Variants in FBN1 observed in about 807,000 individuals in gnomAD.
The protein encoded by FBN1 is fibrillin-1.
A neutral mutation model predicts 365.1 loss-of-function variants in FBN1; 29 were observed. The observed-to-expected ratio is 0.08, with a 90% confidence interval of 0.06 to 0.11. FBN1 has a LOEUF of 0.11. FBN1 is among the 10% of genes least tolerant of loss of function. FBN1 has a pLI of 1.00. For synonymous variants in FBN1, 1,210 were observed against 1,270.5 expected (o/e 0.95, Z 1.01); for missense variants, 2,476 against 3,703.2 (o/e 0.67, Z 8.60).
rs1178940750 is a variant in FBN1, at chr15:48,513,595, C to T, written c.1542G>A (p.Gln514=). 6.2e-7 allele frequency: 1 copy of T among 1,613,896 alleles called. No homozygotes were observed. Among genetic ancestry groups the T allele is most frequent in the Non-Finnish European group, 8.5e-7 (1 of 1,179,948 alleles). The change falls in exon 13 of 66, where the codon CAG becomes CAA. Residue 514 remains glutamine, a synonymous_variant. Transcript: ENST00000316623. ...GTGTGCTCTGATATCCAGCTCGGCA[C>T]TGACAGGTGTACGAACCCTGGTTGT... is the stretch of plus-strand genomic sequence containing the variant. The part of the protein sequence containing the change: ...CINNQGSYTC[Q]CRAGYQSTLT...
intron 63 of FBN1, among the ~76,000 whole-genome samples, chr15:48,417,634 A>G (rs1306697532): frequency 3.3e-5 from 5 of 152,090 alleles, no homozygotes; most frequent in Admixed American, 6.5e-5. Flanking sequence ...CTTAAAATAT[A>G]AATAATAATT....
Position 48,472,458 on chromosome 15 carries a change from T to TA in FBN1, c.4336+92dup, listed in dbSNP as rs67860867. The TA allele has an allele frequency of 0.011, 13,517 of 1,179,800 alleles. 48 individuals carry two copies. The highest frequency in any genetic ancestry group is 0.044 in the African/African-American group (2,307 of 52,752). The allele number at this position is 1,179,800 out of a possible 1,614,324, so 73.1% of individuals were successfully genotyped here. ...AATGAAGCTAAAACACACCTCAGTTTAAAAAAAAAAAAAAAAAAAAGCATC... is the reference window on the plus strand; with the variant it reads ...AATGAAGCTAAAACACACCTCAGTTTAAAAAAAAAAAAAAAAAAAAAGCATC... On this transcript the variant is annotated intron_variant, in intron 35 of 65. Transcript: ENST00000316623.
intron 6 of FBN1, among the ~76,000 whole-genome samples, chr15:48,593,398 T>G (rs548915860): frequency 1.3e-5 from 2 of 152,308 alleles, no homozygotes; most frequent in Admixed American, 1.3e-4. Context: ...TTGTTTTTAT[T>G]GCCACTTAGT....
At chr15:48,582,347 T>C in intron 6 of FBN1, among the ~76,000 whole-genome samples, 1 of 152,232 alleles carries the variant, frequency 6.6e-6, no homozygotes, top group Non-Finnish European at 1.5e-5. Context: ...AAGACCCATG[T>C]TTCATTCTTA....
At chr15:48,503,101 C>T (rs2141314731) in intron 17 of FBN1, among the ~76,000 whole-genome samples, 1 of 151,962 alleles carries the variant, frequency 6.6e-6, no homozygotes, top group South Asian at 2.1e-4. Context: ...AGTTCAAGAC[C>T]AGCCTGGCCA....
chr15:48,458,609 A>T (rs2141262469), intron 43 of FBN1, among the ~76,000 whole-genome samples: 1 of 152,352 alleles, frequency 6.6e-6, no homozygotes, highest in Admixed American at 6.5e-5. Context: ...ATATATTATT[A>T]TCAAGTTTAA....
intron 6 of FBN1, among the ~76,000 whole-genome samples, chr15:48,557,387 G>A (rs771660404): frequency 8.5e-5 from 13 of 152,114 alleles, no homozygotes; most frequent in African/African-American, 2.4e-4. Context: ...TCTGGATGCC[G>A]GCCTGATACA....
rs541052528 is a variant in FBN1 at position 48,645,297 on chromosome 15, C to T, written c.-182+278G>A. Among the ~76,000 whole-genome samples, 25 of 152,334 alleles carry T rather than the reference C, an allele frequency of 1.6e-4. No individual in the cohort carries two copies. In the East Asian group the frequency reaches 4.8e-3, roughly 29 times the overall value. The stretch of plus-strand genomic sequence containing the variant: ...TCTGAACGCCCCACTCCTCAGCCTG[C>T]CCTCTCCGCCAGGCTGGAAGCCAGC... On this transcript the variant is annotated intron_variant, in intron 1 of 65. Coordinates refer to ENST00000316623, the MANE Select transcript of FBN1 (RefSeq NM_000138.5).
At chr15:48,533,759 T>C (rs2043991133) in intron 8 of FBN1, among the ~76,000 whole-genome samples, 1 of 152,188 alleles carries the variant, frequency 6.6e-6, no homozygotes, top group South Asian at 2.1e-4. Context: ...TTTAAATTCA[T>C]GTCTCTAGAA....
chr15:48,630,201 C>T (rs1489152941), intron 2 of FBN1, among the ~76,000 whole-genome samples: 1 of 152,294 alleles, frequency 6.6e-6, no homozygotes, highest in African/African-American at 2.4e-5. Flanking sequence ...TTATGACAAA[C>T]ATAAACCCAT....
At chr15:48,504,895 G>C (rs1343892111) in intron 16 of FBN1, 130 bp downstream of exon 16, 1 of 1,208,134 alleles carries the variant, frequency 8.3e-7, no homozygotes, top group African/African-American at 1.5e-5. Flanking sequence ...AACTGACCCT[G>C]TTGGTTTGTT....
chr15:48,597,654 A>G (rs1248300658), intron 5 of FBN1, among the ~76,000 whole-genome samples: 1 of 152,178 alleles, frequency 6.6e-6, no homozygotes, highest in Non-Finnish European at 1.5e-5. Context: ...TTTTCTTGGC[A>G]TAAGAGGACC....
chr15:48,590,030 A>G (rs1664982880), intron 6 of FBN1, among the ~76,000 whole-genome samples: 1 of 152,224 alleles, frequency 6.6e-6, no homozygotes, highest in Admixed American at 6.5e-5. Flanking sequence ...GAAAATATAC[A>G]TAGTTCACAG....
intron 6 of FBN1, among the ~76,000 whole-genome samples, chr15:48,583,336 C>G (rs1312270805): frequency 6.6e-6 from 1 of 152,060 alleles, no homozygotes; most frequent in African/African-American, 2.4e-5. Context: ...TTAAAATAAC[C>G]AAATGTTTTG....
chr15:48,504,680 A>G (rs1025195931), intron 16 of FBN1, among the ~76,000 whole-genome samples: 2 of 152,212 alleles, frequency 1.3e-5, no homozygotes, highest in African/African-American at 4.8e-5. Flanking sequence ...ATGGACATCA[A>G]TTCTCTATTA....
intron 2 of FBN1, among the ~76,000 whole-genome samples, chr15:48,639,034 G>A (rs1890151466): frequency 6.6e-6 from 1 of 152,092 alleles, no homozygotes; most frequent in Non-Finnish European, 1.5e-5. Context: ...TTTCTTGTTG[G>A]ACTAAATAAT....
intron 60 of FBN1, 41 bp from the exon 61 acceptor site, chr15:48,422,109 A>C: frequency 7.2e-7 from 1 of 1,394,368 alleles, no homozygotes; most frequent in South Asian, 1.2e-5. Flanking sequence ...TCAAGCCAAC[A>C]AAACAGGATC....
intron 46 of FBN1, 136 bp from the exon 47 acceptor site, chr15:48,446,958 C>G: frequency 1.5e-6 from 1 of 668,766 alleles, no homozygotes; most frequent in Non-Finnish European, 2.7e-6. Context: ...TTGGTATCAG[C>G]TCCAGCAGCA....
At chr15:48,546,169 G>C (rs533838803) in intron 6 of FBN1, among the ~76,000 whole-genome samples, 20 of 152,160 alleles carry the variant, frequency 1.3e-4, no homozygotes, top group Admixed American at 2.6e-4. Context: ...CCACAACCCT[G>C]TATCAGTGAA....
Sources: gnomAD v4.1 joint callset for allele counts (sites outside exome capture counted in the v4.1 genomes callset) on GRCh38, gnomAD v4.1.1 for gene constraint, MANE v1.5 for transcripts, NCBI Gene and HGNC (gene_info 2026-07-23, HGNC 2026-07-21) for gene names.